The following FLYWCH1 variants were observed in gnomAD, a reference collection of about 807,000 sequenced individuals.
The protein encoded by FLYWCH1 is FLYWCH-type zinc finger-containing protein 1.
Under a neutral mutation model 66.4 loss-of-function variants are expected in FLYWCH1, and 75 were observed. The ratio of observed to expected loss-of-function variants is 1.13; its 90% CI spans 0.94 to 1.37. The LOEUF (loss-of-function observed/expected upper bound fraction) is 1.37. Ranked by LOEUF, FLYWCH1 falls within the 40% of genes most tolerant of loss-of-function variation. The pLI is 0.00. For synonymous variants in FLYWCH1, 595 were observed against 429.9 expected (o/e 1.38, Z -4.75); for missense variants, 1,334 against 1,001.8 (o/e 1.33, Z -4.48).
At chr16:2,948,599 A>G (rs1377906721) in intron 9 of FLYWCH1, 89 bp from the exon 10 acceptor site, 1 of 1,373,318 alleles carries the variant, frequency 7.3e-7, no homozygotes, top group Non-Finnish European at 1.0e-6. Flanking sequence ...TCCCCAGGAA[A>G]AAGGATTCCA....
intron 2 of FLYWCH1, among the ~76,000 whole-genome samples, chr16:2,916,460 C>T (rs1161438388): frequency 6.6e-6 from 1 of 151,928 alleles, no homozygotes; most frequent in Non-Finnish European, 1.5e-5. Context: ...ATGGTGAAAC[C>T]CCGTCTCTAC....
rs1294366098 is a variant in FLYWCH1, at chr16:2,930,437, G to A, written c.353G>A (p.Arg118Lys). Reference sequence around the variant, plus strand: ...GCCCCTCAGTCCCTGGAGTTCCTGAGGACACCATTCGGGGGCCGCCTCCTG... The same window carrying A: ...GCCCCTCAGTCCCTGGAGTTCCTGAAGACACCATTCGGGGGCCGCCTCCTG... ...AAAPQSLEFLRTPFGGRLLVL... is the reference protein window; with the variant it reads ...AAAPQSLEFLKTPFGGRLLVL... The change falls in exon 4 of 10, where the codon AGG becomes AAG. Residue 118 changes from arginine to lysine, a missense_variant. Physicochemically the swap from Arg to Lys is conservative, Grantham distance 26. Transcript: ENST00000253928. 3.4e-6 allele frequency: 5 copies of A among 1,481,786 alleles called. No homozygotes were observed. The highest frequency in any genetic ancestry group is 4.5e-6 in the Non-Finnish European group (5 of 1,117,308). The allele number at this position is 1,481,786 out of a possible 1,614,324, so 91.8% of individuals were successfully genotyped here. A position where few individuals can be genotyped will look rare whatever the true frequency, so the allele number is the denominator to read the frequency against.
chr16:2,932,832 A>G (rs555681865), intron 4 of FLYWCH1, among the ~76,000 whole-genome samples: 1 of 151,180 alleles, frequency 6.6e-6, no homozygotes, highest in African/African-American at 2.4e-5. Context: ...AGCTGGGGTG[A>G]CCTCACTGAC....
At chr16:2,942,013 A>AC (rs1370591663) in intron 9 of FLYWCH1, among the ~76,000 whole-genome samples, 3,367 of 135,744 alleles carry the variant, frequency 0.025, 144 homozygotes, top group Non-Finnish European at 0.042. Flanking sequence ...AAAAAAAAAA[A>AC]AAAAAAAAAA....
At chr16:2,945,910 T>C (rs1244719596) in intron 9 of FLYWCH1, among the ~76,000 whole-genome samples, 1 of 151,872 alleles carries the variant, frequency 6.6e-6, no homozygotes, top group Non-Finnish European at 1.5e-5. Flanking sequence ...GGCAGGAGAA[T>C]GGCGTGAACC....
chr16:2,948,084 A>T (rs564334990), intron 9 of FLYWCH1, among the ~76,000 whole-genome samples: 1 of 152,026 alleles, frequency 6.6e-6, no homozygotes, highest in Non-Finnish European at 1.5e-5. Flanking sequence ...TTTCTTGATG[A>T]AGAACCTTGA....
In FLYWCH1 at chr16:2,937,090, C is replaced by T. The variant is rs771863072; in HGVS notation, c.1514-31C>T. ...TGATCTGGGCTCTGAGAGCTGGTGT[C>T]CGCTGCTCCTCCCCTCCCATTTCTC... On this transcript the variant is annotated intron_variant, in intron 6 of 9. Coordinates refer to ENST00000253928, the MANE Select transcript of FLYWCH1 (RefSeq NM_001308068.2). The T allele has an allele frequency of 9.5e-6, 15 of 1,572,488 alleles. No individual in the cohort carries two copies. In the East Asian group the frequency reaches 3.2e-4, roughly 34 times the overall value.
intron 2 of FLYWCH1, among the ~76,000 whole-genome samples, chr16:2,921,286 C>G (rs554671428): frequency 6.7e-6 from 1 of 149,908 alleles, no homozygotes; most frequent in African/African-American, 2.5e-5. Context: ...CTTTTTAAGT[C>G]TACAATTCAT....
rs765466518 is a variant in FLYWCH1, at chr16:2,933,752, G to C, written c.1286G>C (p.Ser429Thr). 5.0e-6 allele frequency: 8 copies of C among 1,613,256 alleles called. No homozygotes were observed. The South Asian group carries it at 8.8e-5, about 18-fold the overall frequency. ...PEFLKTPLGG[S>T]FLVYESFLYR... ...TTCCTGAAGACGCCCCTGGGGGGCAGCTTCCTGGTGTACGAGTCCTTCCTC... is the reference window on the plus strand; with the variant it reads ...TTCCTGAAGACGCCCCTGGGGGGCACCTTCCTGGTGTACGAGTCCTTCCTC... Residue 429 changes from serine (S) to threonine (T), a missense_variant, in exon 6 of 10, where the codon AGC (serine) becomes ACC (threonine). Ser to Thr is a moderately conservative substitution (Grantham distance 58). Coordinates refer to ENST00000253928, the MANE Select transcript of FLYWCH1 (RefSeq NM_001308068.2).
At chr16:2,927,426 G>GTCT (rs2070610227) in intron 2 of FLYWCH1, among the ~76,000 whole-genome samples, 4 of 152,054 alleles carry the variant, frequency 2.6e-5, no homozygotes, top group African/African-American at 9.7e-5. Context: ...GAAGGAAGGA[G>GTCT]TTAAACAATA....
At position 2,933,192 on chromosome 16, in the gene FLYWCH1, T is replaced by A. The variant is rs2070835757; in HGVS notation, c.859T>A (p.Ser287Thr). ...CYGGSFLVHE[S>T]FLYKREKAVG... ...CGGGGGCAGCTTCCTGGTACACGAG[T>A]CGTTCCTCTACAAGCGGGAGAAGGC... The change falls in exon 5 of 10, where the codon TCG becomes ACG. Residue 287 changes from serine to threonine, a missense_variant. Ser to Thr is a moderately conservative substitution (Grantham distance 58, BLOSUM62 1). Coordinates refer to ENST00000253928, the MANE Select transcript of FLYWCH1 (RefSeq NM_001308068.2). 1 of 1,612,526 alleles carries A rather than the reference T, an allele frequency of 6.2e-7. No individual in the cohort carries two copies. The highest frequency in any genetic ancestry group is 8.5e-7 in the Non-Finnish European group (1 of 1,179,556).
intron 7 of FLYWCH1, 37 bp from the exon 8 acceptor site, chr16:2,938,147 C>T (rs767755991): frequency 6.3e-7 from 1 of 1,598,200 alleles, no homozygotes; most frequent in Non-Finnish European, 8.5e-7. Context: ...CACCCAGGCC[C>T]CTGTGGCCCC....
chr16:2,931,244 A>G (rs1012603411), intron 4 of FLYWCH1, among the ~76,000 whole-genome samples: 3 of 147,154 alleles, frequency 2.0e-5, no homozygotes, highest in African/African-American at 7.6e-5. Flanking sequence ...CAGAGGTTGC[A>G]GTAAGCCCAG....
intron 2 of FLYWCH1, chr16:2,922,851 C>T (rs115770986): frequency 2.5e-5 from 13 of 524,056 alleles, no homozygotes; most frequent in Non-Finnish European, 4.6e-5. Context: ...AGTGTGTTGT[C>T]TTCTGTCTTC....
chr16:2,929,712 G>A lies in FLYWCH1; in HGVS notation c.27G>A (p.Gln9=), dbSNP rs772736172. 6 of 1,613,138 alleles carry A rather than the reference G, an allele frequency of 3.7e-6. No individual in the cohort carries two copies. The highest frequency in any genetic ancestry group is 1.7e-4 in the Middle Eastern group (1 of 6,052). ...TGCCCCTGCCCGAGCCCAGCGAGCA[G>A]GAGGGCGAGAGTGTGAAGGCCGGCC... MPLPEPSE[Q]EGESVKAGQE... is the part of the protein sequence containing the mutation. Residue 9 remains glutamine, a synonymous_variant, in exon 3 of 10, where the codon CAG becomes CAA. Transcript: ENST00000253928.
rs1253364071 is a variant in FLYWCH1, at chr16:2,929,653, G to C, written c.-33G>C. On this transcript the variant is annotated 5_prime_UTR_variant, in exon 3 of 10. Coordinates refer to ENST00000253928, the MANE Select transcript of FLYWCH1 (RefSeq NM_001308068.2). ...CTCCAGGTTCCTTGCTGGGTGCTGAGCGTGGCCTGAGGGACAGGCCCTGGG... is the reference window on the plus strand; with the variant it reads ...CTCCAGGTTCCTTGCTGGGTGCTGACCGTGGCCTGAGGGACAGGCCCTGGG... 2 of 1,590,292 alleles carry C rather than the reference G, an allele frequency of 1.3e-6. No individual in the cohort carries two copies. The highest frequency in any genetic ancestry group is 1.7e-6 in the Non-Finnish European group (2 of 1,168,498).
At chr16:2,941,259 T>C (rs1387102107) in intron 9 of FLYWCH1, among the ~76,000 whole-genome samples, 3 of 145,372 alleles carry the variant, frequency 2.1e-5, no homozygotes, top group Admixed American at 6.8e-5. Context: ...TTGAAACCAG[T>C]TGGGGCAACA....
rs147136671 is a variant in FLYWCH1 at position 2,915,973 on chromosome 16, C to T, written c.-74+1684C>T. Among the ~76,000 whole-genome samples, 68 of 152,246 alleles carry T rather than the reference C, an allele frequency of 4.5e-4. 1 individual carries two copies. In the East Asian group the frequency reaches 0.012, roughly 28 times the overall value. On this transcript the variant is annotated intron_variant, in intron 2 of 9. Transcript: ENST00000253928. ...TATTTGGCCTGATTATGTAGTGCAG[C>T]AATAGTACTGATTCACCAGATAAGC...
intron 1 of FLYWCH1, among the ~76,000 whole-genome samples, chr16:2,912,618 C>G (rs1182901628): frequency 6.6e-6 from 1 of 152,190 alleles, no homozygotes; most frequent in Non-Finnish European, 1.5e-5. Context: ...CGCGTGTACT[C>G]TGTGCCTGTG....
Sources: gnomAD v4.1 joint callset for allele counts (sites outside exome capture counted in the v4.1 genomes callset) on GRCh38, gnomAD v4.1.1 for gene constraint, MANE v1.5 for transcripts, NCBI Gene and HGNC (gene_info 2026-07-23, HGNC 2026-07-21) for gene names.